The following MBD5 variants were observed in gnomAD, a reference collection of about 807,000 sequenced individuals.
MBD5 encodes the protein methyl-CpG binding domain protein 5.
In MBD5, 13 loss-of-function variants were observed where a neutral mutation model predicts 117.3. The observed-to-expected ratio is 0.11, with a 90% CI of 0.07 to 0.18. MBD5 has a LOEUF of 0.18. Ranked by LOEUF, MBD5 falls within the 10% of genes least tolerant of loss-of-function variation. The pLI is 1.00. For synonymous variants in MBD5, 727 were observed against 766.4 expected (o/e 0.95, Z 0.85); for missense variants, 1,879 against 2,093.8 (o/e 0.90, Z 2.00).
intron 3 of MBD5, among the ~76,000 whole-genome samples, chr2:148,280,144 AAAAAAAC>A (rs1166607484): frequency 1.3e-5 from 2 of 150,938 alleles, no homozygotes; most frequent in Non-Finnish European, 3.0e-5. Flanking sequence ...AAAAAAAAAA[AAAAAAAC>A]AAAAAGAAAA....
chr2:148,365,844 C>A (rs1703681644), intron 4 of MBD5, among the ~76,000 whole-genome samples: 1 of 151,184 alleles, frequency 6.6e-6, no homozygotes, highest in African/African-American at 2.4e-5. Flanking sequence ...TAACACTCTA[C>A]CAAAAAAAAA....
At chr2:148,498,849 C>G (rs1574494286) in intron 11 of MBD5, among the ~76,000 whole-genome samples, 1 of 152,200 alleles carries the variant, frequency 6.6e-6, no homozygotes, top group Admixed American at 6.5e-5. Context: ...AGAGATTCAG[C>G]CTTGTTCAGA....
At chr2:148,328,428 C>T (rs1054609783) in intron 3 of MBD5, among the ~76,000 whole-genome samples, 1 of 152,196 alleles carries the variant, frequency 6.6e-6, no homozygotes, top group South Asian at 2.1e-4. Flanking sequence ...TGGTGGGCGC[C>T]CCTCCCCTAG....
rs377202803 is a variant in MBD5, at chr2:148,330,088, T to TACACACACAC, written c.-679-12105_-679-12096dup. Among the ~76,000 whole-genome samples the TACACACACAC allele has an allele frequency of 4.1e-3, 164 of 40,402 alleles. 4 individuals carry two copies. Among genetic ancestry groups the TACACACACAC allele is most frequent in the African/African-American group, 7.2e-3 (96 of 13,290 alleles). The allele number at this position is 40,402 out of a possible 152,430, so 26.5% of individuals were successfully genotyped here. A position where few individuals can be genotyped will look rare whatever the true frequency, so the allele number is the denominator to read the frequency against. On this transcript the variant is annotated intron_variant, in intron 3 of 13. Coordinates refer to ENST00000642680, the MANE Select transcript of MBD5 (RefSeq NM_001378120.1). Reference sequence around the variant, plus strand: ...CACACTGCCTAAAGCCCTCCTGCCATACACACACACACACACACACACACA... The same window carrying TACACACACAC: ...CACACTGCCTAAAGCCCTCCTGCCATACACACACACACACACACACACACACACACACACA...
chr2:148,434,247 G>A (rs1706085968), intron 4 of MBD5, among the ~76,000 whole-genome samples: 1 of 151,808 alleles, frequency 6.6e-6, no homozygotes, highest in African/African-American at 2.4e-5. Flanking sequence ...TTCTAATTGT[G>A]TTCATTTGGA....
intron 3 of MBD5, among the ~76,000 whole-genome samples, chr2:148,334,155 A>C (rs1434793186): frequency 1.3e-5 from 2 of 152,078 alleles, no homozygotes; most frequent in Admixed American, 6.6e-5. Context: ...ACTGGCTGTC[A>C]CCAATTCCTA....
intron 12 of MBD5, among the ~76,000 whole-genome samples, chr2:148,507,751 C>T (rs1278447916): frequency 2.0e-5 from 3 of 147,062 alleles, no homozygotes; most frequent in African/African-American, 7.6e-5. Context: ...CAGAGCAAGA[C>T]TCCGTCTCAA....
At chr2:148,340,248 A>G (rs1289203384) in intron 3 of MBD5, among the ~76,000 whole-genome samples, 1 of 152,152 alleles carries the variant, frequency 6.6e-6, no homozygotes, top group Non-Finnish European at 1.5e-5. Context: ...ATCAAATTCT[A>G]GCCTTTGGAC....
intron 1 of MBD5, among the ~76,000 whole-genome samples, chr2:148,133,516 T>C (rs1362618438): frequency 1.3e-5 from 2 of 152,310 alleles, no homozygotes; most frequent in African/African-American, 4.8e-5. Context: ...ATATAGAAAA[T>C]AGTATGTTTA....
intron 1 of MBD5, among the ~76,000 whole-genome samples, chr2:148,122,757 G>A (rs1474132831): frequency 6.6e-6 from 1 of 152,164 alleles, no homozygotes; most frequent in East Asian, 1.9e-4. Context: ...AAAATGTCCA[G>A]TAAACAGTGA....
intron 1 of MBD5, among the ~76,000 whole-genome samples, chr2:148,130,044 C>T (rs1696998225): frequency 6.6e-6 from 1 of 152,108 alleles, no homozygotes; most frequent in African/African-American, 2.4e-5. Flanking sequence ...ACATGGCAGA[C>T]ATTTAGCTGA....
At chr2:148,417,146 A>G (rs531670898) in intron 4 of MBD5, among the ~76,000 whole-genome samples, 1 of 152,262 alleles carries the variant, frequency 6.6e-6, no homozygotes, top group Admixed American at 6.5e-5. Context: ...TTTTTTAGAC[A>G]GGATCTCACT....
At chr2:148,501,000 G>A (rs1681855169) in intron 11 of MBD5, among the ~76,000 whole-genome samples, 1 of 152,158 alleles carries the variant, frequency 6.6e-6, no homozygotes, top group African/African-American at 2.4e-5. Flanking sequence ...TTTATGTGAA[G>A]TGTTATTGGA....
intron 4 of MBD5, among the ~76,000 whole-genome samples, chr2:148,367,224 G>T (rs1198526415): frequency 6.6e-6 from 1 of 152,046 alleles, no homozygotes; most frequent in African/African-American, 2.4e-5. Context: ...ACAAGCAATG[G>T]GGAAAGATTC....
intron 4 of MBD5, among the ~76,000 whole-genome samples, chr2:148,362,333 G>A (rs1450603147): frequency 6.6e-6 from 1 of 152,166 alleles, no homozygotes; most frequent in East Asian, 1.9e-4. Context: ...GGCTTCAGTA[G>A]GCGATTTTCC....
chr2:148,245,162 G>A (rs944303316), intron 3 of MBD5, among the ~76,000 whole-genome samples: 1 of 152,212 alleles, frequency 6.6e-6, no homozygotes. Flanking sequence ...GAGGCAGGAG[G>A]ATGGCTTGAG....
chr2:148,390,279 G>A (rs964734992), intron 4 of MBD5, among the ~76,000 whole-genome samples: 2 of 151,808 alleles, frequency 1.3e-5, no homozygotes, highest in Non-Finnish European at 2.9e-5. Context: ...ATTGATCTGT[G>A]TGTCTATTTT....
At chr2:148,216,143 G>T (rs557959484) in intron 2 of MBD5, among the ~76,000 whole-genome samples, 1 of 152,314 alleles carries the variant, frequency 6.6e-6, no homozygotes, top group East Asian at 1.9e-4. Flanking sequence ...AACAAAGATA[G>T]CTCTGGACAG....
At position 148,448,662 on chromosome 2, in the gene MBD5, T is replaced by C. The variant is rs576532841; in HGVS notation, c.-556-9541T>C. Among the ~76,000 whole-genome samples the C allele has an allele frequency of 4.7e-4, 72 of 152,214 alleles. 4 individuals carry two copies. The South Asian group carries it at 0.015, about 31-fold the overall frequency. On this transcript the variant is annotated intron_variant, in intron 4 of 13. Transcript: ENST00000642680. ...TAAGTATTTTTATAGTAAAAGTGTA[T>C]ATAAATATTAGTGTATATATAAATA...
Sources: gnomAD v4.1 joint callset for allele counts (sites outside exome capture counted in the v4.1 genomes callset) on GRCh38, gnomAD v4.1.1 for gene constraint, MANE v1.5 for transcripts, NCBI Gene and HGNC (gene_info 2026-07-23, HGNC 2026-07-21) for gene names.